FLRT2: variants seen among roughly 807,000 people sequenced by gnomAD.
The protein encoded by FLRT2 is leucine-rich repeat transmembrane protein FLRT2.
In FLRT2, 15 loss-of-function variants were observed where a neutral mutation model predicts 40.0. The ratio of observed to expected loss-of-function variants is 0.38; its 90% confidence interval spans 0.25 to 0.58. The LOEUF (loss-of-function observed/expected upper bound fraction) is 0.58, where lower values mean the gene tolerates loss of function less well. Ranked by LOEUF, FLRT2 falls within the 20% of genes least tolerant of loss-of-function variation. FLRT2 has a pLI of 0.71. For synonymous variants in FLRT2, 380 were observed against 336.8 expected, an observed-to-expected ratio of 1.13 and a Z score of -1.41; for missense variants, 726 against 840.0, an observed-to-expected ratio of 0.86 and a Z score of 1.68.
chr14:85,540,521 T>C (rs990697841), intron 1 of FLRT2, among the ~76,000 whole-genome samples: 1 of 152,176 alleles, frequency 6.6e-6, no homozygotes, highest in African/African-American at 2.4e-5. Flanking sequence ...TTCTTAATTG[T>C]TTTTCTGTTG....
intron 1 of FLRT2, among the ~76,000 whole-genome samples, chr14:85,610,704 T>C (rs200485312): frequency 3.3e-5 from 5 of 152,152 alleles, no homozygotes; most frequent in Non-Finnish European, 7.3e-5. Flanking sequence ...AGCACCATCA[T>C]TCTGCACCCT....
chr14:85,624,453 A>G lies in FLRT2; in HGVS notation c.*956A>G, dbSNP rs1893577432. ...GTAGATTCACTGAGGCTATGTCAACATGATATTTAGACCAACAGGTGATCA... is the reference window on the plus strand; with the variant it reads ...GTAGATTCACTGAGGCTATGTCAACGTGATATTTAGACCAACAGGTGATCA... On this transcript the variant is annotated 3_prime_UTR_variant, in exon 2 of 2. Transcript: ENST00000330753. 2 of 167,104 alleles carry G rather than the reference A, an allele frequency of 1.2e-5. No homozygotes were observed. The highest frequency in any genetic ancestry group is 1.3e-4 in the Admixed American group (2 of 15,290). 10.4% of individuals were successfully genotyped at this position (167,104 alleles called of 1,614,324 possible). A position where few individuals can be genotyped will look rare whatever the true frequency, so the allele number is the denominator to read the frequency against.
chr14:85,643,293 TTCTTTCTTTCTTTC>T lies in FLRT2; in HGVS notation c.*19798_*19811del, dbSNP rs1479961603. The T allele has an allele frequency of 1.1e-5, 1 of 88,204 alleles. No homozygotes were observed. Among genetic ancestry groups the T allele is most frequent in the Admixed American group, 1.1e-4 (1 of 8,780 alleles). The allele number at this position is 88,204 out of a possible 1,614,324, so 5.5% of individuals were successfully genotyped here. ...AGAGTTCAGAGGGTATTTCTTTTTT[TTCTTTCTTTCTTTC>T]TTTCTTTCTTTCTTTCTTTCTTTCT... On this transcript the variant is annotated 3_prime_UTR_variant, in exon 2 of 2. Coordinates refer to ENST00000330753, the MANE Select transcript of FLRT2 (RefSeq NM_013231.6).
chr14:85,561,021 A>G (rs765229358), intron 1 of FLRT2: 1 of 152,202 alleles, frequency 6.6e-6, no homozygotes, highest in Non-Finnish European at 1.5e-5. Context: ...TGATAATTTT[A>G]CCTTGTTAAC....
At chr14:85,620,160 G>A (rs1238722769) in intron 1 of FLRT2, among the ~76,000 whole-genome samples, 1 of 152,036 alleles carries the variant, frequency 6.6e-6, no homozygotes. Context: ...CAAGAAGTGG[G>A]AAAGAAAAAA....
chr14:85,608,463 A>G (rs866873702), intron 1 of FLRT2, among the ~76,000 whole-genome samples: 5 of 151,972 alleles, frequency 3.3e-5, no homozygotes, highest in African/African-American at 7.2e-5. Context: ...TGAACTCCTG[A>G]CCTCTAGTGA....
intron 1 of FLRT2, among the ~76,000 whole-genome samples, chr14:85,565,020 G>T (rs1057202176): frequency 6.6e-6 from 1 of 152,168 alleles, no homozygotes; most frequent in African/African-American, 2.4e-5. Context: ...TATGCAATTT[G>T]TAAGATAGTA....
chr14:85,600,747 G>C (rs1892345855), intron 1 of FLRT2, among the ~76,000 whole-genome samples: 1 of 152,148 alleles, frequency 6.6e-6, no homozygotes, highest in Non-Finnish European at 1.5e-5. Context: ...AATTTACATG[G>C]AAGCAAAAAT....
At chr14:85,564,578 G>C (rs963432502) in intron 1 of FLRT2, among the ~76,000 whole-genome samples, 2 of 152,176 alleles carry the variant, frequency 1.3e-5, no homozygotes, top group Non-Finnish European at 2.9e-5. Flanking sequence ...AAAAGGGCTA[G>C]TTTTCTGGTG....
rs1410407137 is a variant in FLRT2 at position 85,632,322 on chromosome 14, T to G, written c.*8825T>G. On this transcript the variant is annotated 3_prime_UTR_variant, in exon 2 of 2. Coordinates refer to ENST00000330753, the MANE Select transcript of FLRT2 (RefSeq NM_013231.6). Reference sequence around the variant, plus strand: ...CTGTCTCTACTAAAAATACAAAAAATTTAGCCGGGCTTGGTGGTGCGTGCC... The same window carrying G: ...CTGTCTCTACTAAAAATACAAAAAAGTTAGCCGGGCTTGGTGGTGCGTGCC... The G allele has an allele frequency of 1.3e-5, 2 of 151,388 alleles. No homozygotes were observed. Among genetic ancestry groups the G allele is most frequent in the African/African-American group, 4.9e-5 (2 of 41,190 alleles). 9.4% of individuals were successfully genotyped at this position (151,388 alleles called of 1,614,324 possible).
intron 1 of FLRT2, among the ~76,000 whole-genome samples, chr14:85,532,738 G>A (rs760223482): frequency 2.0e-5 from 3 of 152,216 alleles, no homozygotes; most frequent in Non-Finnish European, 4.4e-5. Context: ...GTGATGGGGT[G>A]AGGAGTGGGG....
Position 85,620,558 on chromosome 14 carries a change from A to T in FLRT2, c.-376-581A>T, listed in dbSNP as rs370587430. 4.3e-4 allele frequency among the ~76,000 whole-genome samples: 65 copies of T among 152,316 alleles called. 1 individual carries two copies. The East Asian group carries it at 7.7e-3, about 18-fold the overall frequency. On this transcript the variant is annotated intron_variant, in intron 1 of 1. Coordinates refer to ENST00000330753, the MANE Select transcript of FLRT2 (RefSeq NM_013231.6). Reference sequence around the variant, plus strand: ...TATTCAGCTACAGCTTTTTTATAACATAGTATATGAAAGTTCATATCTAGT... The same window carrying T: ...TATTCAGCTACAGCTTTTTTATAACTTAGTATATGAAAGTTCATATCTAGT...
rs1339906395 is a variant in FLRT2 at position 85,627,305 on chromosome 14, T to C, written c.*3808T>C. 6.0e-6 allele frequency: 1 copy of C among 167,078 alleles called. No individual in the cohort carries two copies. Among genetic ancestry groups the C allele is most frequent in the African/African-American group, 2.4e-5 (1 of 41,444 alleles). 10.3% of individuals were successfully genotyped at this position (167,078 alleles called of 1,614,324 possible). ...CTTGGTCTTGTCAAACCTTGCCTGA[T>C]GCTCTTTCTAAAGTCAAAATATGAA... On this transcript the variant is annotated 3_prime_UTR_variant, in exon 2 of 2. Coordinates refer to ENST00000330753, the MANE Select transcript of FLRT2 (RefSeq NM_013231.6).
Position 85,642,294 on chromosome 14 carries a change from A to G in FLRT2, c.*18797A>G, listed in dbSNP as rs549066333. The G allele has an allele frequency of 7.2e-5, 11 of 152,214 alleles. No homozygotes were observed. The highest frequency in any genetic ancestry group is 2.4e-4 in the African/African-American group (10 of 41,532). 9.4% of individuals were successfully genotyped at this position (152,214 alleles called of 1,614,324 possible). A position where few individuals can be genotyped will look rare whatever the true frequency, so the allele number is the denominator to read the frequency against. ...CAGAAACCCAGAGCATTATAATGGGAATGTTAGGTAGGTTTAAATTATTCT... is the reference window on the plus strand; with the variant it reads ...CAGAAACCCAGAGCATTATAATGGGGATGTTAGGTAGGTTTAAATTATTCT... On this transcript the variant is annotated 3_prime_UTR_variant, in exon 2 of 2. Transcript: ENST00000330753.
At chr14:85,535,908 T>TG (rs1566714058) in intron 1 of FLRT2, among the ~76,000 whole-genome samples, 4 of 79,978 alleles carry the variant, frequency 5.0e-5, no homozygotes, top group African/African-American at 2.3e-4. Context: ...TTTTTTTTTT[T>TG]TTTTTTTTTT....
chr14:85,616,867 A>T (rs922644200), intron 1 of FLRT2, among the ~76,000 whole-genome samples: 1 of 152,244 alleles, frequency 6.6e-6, no homozygotes, highest in Non-Finnish European at 1.5e-5. Context: ...GTGCTCAATA[A>T]GTATTGGTTC....
intron 1 of FLRT2, among the ~76,000 whole-genome samples, chr14:85,591,203 G>T (rs1280749998): frequency 6.6e-6 from 1 of 152,180 alleles, no homozygotes; most frequent in Non-Finnish European, 1.5e-5. Context: ...AATTAATTTT[G>T]CAGATGAATT....
At chr14:85,587,892 A>G (rs1891696568) in intron 1 of FLRT2, among the ~76,000 whole-genome samples, 1 of 151,996 alleles carries the variant, frequency 6.6e-6, no homozygotes, top group Admixed American at 6.6e-5. Context: ...GTGAATGATG[A>G]GGAAATGTTC....
At chr14:85,573,505 C>G (rs1890991832) in intron 1 of FLRT2, among the ~76,000 whole-genome samples, 1 of 152,176 alleles carries the variant, frequency 6.6e-6, no homozygotes, top group Non-Finnish European at 1.5e-5. Context: ...TTATGCTCCA[C>G]CATGATTGGC....
Sources: allele counts gnomAD v4.1 joint callset (sites outside exome capture counted in the v4.1 genomes callset), GRCh38; gene constraint gnomAD v4.1.1; transcripts MANE v1.5; gene names NCBI Gene and HGNC (gene_info 2026-07-23, HGNC 2026-07-21).